The following DNM3 variants were observed in gnomAD, a reference collection of about 807,000 sequenced individuals.
The protein encoded by DNM3 is dynamin-3.
DNM3 carries 47 observed loss-of-function variants against 101.6 expected under a neutral mutation model. The ratio of observed to expected loss-of-function variants is 0.46; its 90% CI spans 0.37 to 0.59. The LOEUF (loss-of-function observed/expected upper bound fraction) is 0.59, where lower values mean the gene tolerates loss of function less well. DNM3 is among the 20% of genes least tolerant of loss of function. The pLI is 0.00. For synonymous variants in DNM3, 385 were observed against 387.9 expected, an observed-to-expected ratio of 0.99 and a Z score of 0.09; for missense variants, 849 against 1,085.7, an observed-to-expected ratio of 0.78 and a Z score of 3.06.
intron 10 of DNM3, among the ~76,000 whole-genome samples, chr1:172,057,731 T>A (rs917355854): frequency 8.6e-5 from 13 of 151,824 alleles, no homozygotes; most frequent in Non-Finnish European, 1.8e-4. Flanking sequence ...TACCAGCCGC[T>A]GCAAAATCAT....
chr1:171,892,353 T>C (rs909232384), intron 1 of DNM3, among the ~76,000 whole-genome samples: 18 of 152,180 alleles, frequency 1.2e-4, no homozygotes, highest in Non-Finnish European at 2.6e-4. Flanking sequence ...GGTGTACTCA[T>C]TGTTATTGGA....
chr1:172,113,126 G>T (rs1446087875), intron 13 of DNM3, among the ~76,000 whole-genome samples: 2 of 152,164 alleles, frequency 1.3e-5, no homozygotes, highest in African/African-American at 4.8e-5. Flanking sequence ...GGTTTCCTTA[G>T]TGAAAGATTT....
chr1:172,216,496 T>C (rs2060704774), intron 14 of DNM3, among the ~76,000 whole-genome samples: 1 of 152,108 alleles, frequency 6.6e-6, no homozygotes, highest in East Asian at 1.9e-4. Flanking sequence ...CATGACTAGA[T>C]AAAAGACTTC....
intron 15 of DNM3, among the ~76,000 whole-genome samples, chr1:172,254,029 A>G (rs1272688869): frequency 1.3e-5 from 2 of 151,894 alleles, no homozygotes; most frequent in African/African-American, 4.8e-5. Flanking sequence ...GCAGCCTCGA[A>G]CTCCTGGGCT....
intron 14 of DNM3, among the ~76,000 whole-genome samples, chr1:172,152,813 G>A (rs915973540): frequency 5.9e-5 from 9 of 152,080 alleles, no homozygotes; most frequent in Middle Eastern, 3.2e-3. Flanking sequence ...AAACTGTTTA[G>A]AAGGGCCATG....
chr1:172,170,922 G>A (rs2058934073), intron 14 of DNM3, among the ~76,000 whole-genome samples: 1 of 151,632 alleles, frequency 6.6e-6, no homozygotes, highest in African/African-American at 2.4e-5. Context: ...AAAATAGAGG[G>A]GAAAAAAGAT....
Position 172,408,522 on chromosome 1 carries a change from T to C in DNM3, c.*681T>C. On this transcript the variant is annotated 3_prime_UTR_variant, in exon 21 of 21. Coordinates refer to ENST00000627582, the MANE Select transcript of DNM3 (RefSeq NM_015569.5). ...TGCAACAGTGAATAAAAGCTTCTTTTTTTGTTAATCAGTCAATAAATTTGG... is the reference window on the plus strand; with the variant it reads ...TGCAACAGTGAATAAAAGCTTCTTTCTTTGTTAATCAGTCAATAAATTTGG... 1.0e-6 allele frequency: 1 copy of C among 985,390 alleles called. No individual in the cohort carries two copies. The highest frequency in any genetic ancestry group is 1.1e-4 in the East Asian group (1 of 8,810). 61.0% of individuals were successfully genotyped at this position (985,390 alleles called of 1,614,324 possible).
At chr1:172,161,247 G>C (rs1043974859) in intron 14 of DNM3, among the ~76,000 whole-genome samples, 2 of 150,760 alleles carry the variant, frequency 1.3e-5, no homozygotes, top group Admixed American at 1.3e-4. Flanking sequence ...AGTGGTGCTT[G>C]CCATTCAGTG....
chr1:172,283,303 C>G (rs933276355), intron 15 of DNM3, among the ~76,000 whole-genome samples: 1 of 152,114 alleles, frequency 6.6e-6, no homozygotes, highest in Admixed American at 6.5e-5. Context: ...CCACTGTGCC[C>G]CACCTCTTTA....
intron 15 of DNM3, among the ~76,000 whole-genome samples, chr1:172,254,887 TGTGA>T (rs943227059): frequency 1.1e-3 from 172 of 152,258 alleles, no homozygotes; most frequent in African/African-American, 4.0e-3. Context: ...TTAAAATTTG[TGTGA>T]GTCAGTTATT....
chr1:171,907,611 C>A (rs373615673), intron 1 of DNM3, among the ~76,000 whole-genome samples: 2 of 152,102 alleles, frequency 1.3e-5, no homozygotes, highest in African/African-American at 4.8e-5. Context: ...GGTGATCTGG[C>A]GCCCCTTTCT....
chr1:172,098,849 A>G (rs1443718875), intron 13 of DNM3, among the ~76,000 whole-genome samples: 1 of 152,198 alleles, frequency 6.6e-6, no homozygotes, highest in Admixed American at 6.5e-5. Flanking sequence ...TGTTTCAAGG[A>G]GGGAATAGTC....
chr1:172,304,183 A>ATATC (rs1433695090), intron 15 of DNM3, among the ~76,000 whole-genome samples: 1 of 143,984 alleles, frequency 6.9e-6, no homozygotes, highest in African/African-American at 2.7e-5. Context: ...GGATGGAGGA[A>ATATC]TATCTACCAT....
intron 15 of DNM3, among the ~76,000 whole-genome samples, chr1:172,296,814 A>C (rs973310436): frequency 1.3e-5 from 2 of 152,222 alleles, no homozygotes. Context: ...ATTGATTTGT[A>C]TATTTTCATC....
At chr1:172,308,639 CACTT>C (rs1462365559) in intron 15 of DNM3, 85 bp from the exon 16 acceptor site, 3 of 544,802 alleles carry the variant, frequency 5.5e-6, no homozygotes, top group Non-Finnish European at 8.8e-6. Flanking sequence ...TTTGGATTGT[CACTT>C]ACATCATCAT....
intron 15 of DNM3, among the ~76,000 whole-genome samples, chr1:172,301,369 G>A (rs2064441485): frequency 6.6e-6 from 1 of 150,786 alleles, no homozygotes; most frequent in Non-Finnish European, 1.5e-5. Context: ...GGGTGTGGTG[G>A]CACATGCCTG....
intron 1 of DNM3, among the ~76,000 whole-genome samples, chr1:171,893,075 C>T (rs2037440138): frequency 6.7e-6 from 1 of 149,850 alleles, no homozygotes; most frequent in South Asian, 2.1e-4. Context: ...TTGCAGACTC[C>T]ACTCATTTCC....
At chr1:172,335,842 A>G (rs950817212) in intron 17 of DNM3, among the ~76,000 whole-genome samples, 1 of 152,142 alleles carries the variant, frequency 6.6e-6, no homozygotes, top group African/African-American at 2.4e-5. Context: ...TTTGGGTACT[A>G]TGCTCAGTAC....
intron 13 of DNM3, among the ~76,000 whole-genome samples, chr1:172,119,769 C>G (rs2056182072): frequency 6.6e-6 from 1 of 152,156 alleles, no homozygotes; most frequent in African/African-American, 2.4e-5. Flanking sequence ...TAAACATAGT[C>G]CTCCTACTCT....
Sources: gnomAD v4.1 joint callset for allele counts (sites outside exome capture counted in the v4.1 genomes callset) on GRCh38, gnomAD v4.1.1 for gene constraint, MANE v1.5 for transcripts, NCBI Gene and HGNC (gene_info 2026-07-23, HGNC 2026-07-21) for gene names.